The following SRRM2 variants were observed in gnomAD, a reference collection of about 807,000 sequenced individuals.
SRRM2 encodes the protein serine/arginine repetitive matrix 2.
A neutral mutation model predicts 213.8 loss-of-function variants in SRRM2; 30 were observed. The observed-to-expected ratio is 0.14, with a 90% CI of 0.10 to 0.19. The LOEUF is 0.19. SRRM2 is among the 10% of genes least tolerant of loss of function. SRRM2 has a pLI of 1.00. For missense variants in SRRM2, 4,904 were observed against 3,647.0 expected (o/e 1.34, Z -8.88); for synonymous variants, 2,025 against 1,377.7 (o/e 1.47, Z -10.40).
At position 2,764,659 on chromosome 16, in the gene SRRM2, A is replaced by T; in HGVS notation, c.4131A>T (p.Arg1377Ser). 8.7e-6 allele frequency: 14 copies of T among 1,614,130 alleles called. No homozygotes were observed. The highest frequency in any genetic ancestry group is 1.2e-5 in the Non-Finnish European group (14 of 1,180,026). ...TAGACATGAAAGAACAATCGACAAG[A>T]TCCTCTGGACACAGCAGTTCTGAGT... is the stretch of plus-strand genomic sequence containing the variant. ...PSLDMKEQST[R>S]SSGHSSSELS... The change falls in exon 11 of 15, where the codon AGA becomes AGT. Residue 1377 changes from arginine to serine, a missense_variant. Arg to Ser is a moderately radical substitution (Grantham distance 110). Transcript: ENST00000301740.
chr16:2,763,941 T>C lies in SRRM2; in HGVS notation c.3413T>C (p.Phe1138Ser). ...KSGMSPEQSR[F>S]QSDSSSYPTV... ...GGAATGTCTCCTGAGCAGAGCAGGT[T>C]CCAGTCTGACTCTTCTTCATATCCT... Residue 1138 changes from phenylalanine to serine, a missense_variant, in exon 11 of 15, where the codon TTC becomes TCC. By Grantham distance (155) the Phe-to-Ser change is radical. Transcript: ENST00000301740. 1.9e-6 allele frequency: 3 copies of C among 1,614,186 alleles called. No individual in the cohort carries two copies. The highest frequency in any genetic ancestry group is 2.5e-6 in the Non-Finnish European group (3 of 1,180,038).
At chr16:2,758,063 A>G in intron 4 of SRRM2, 118 bp downstream of exon 4, 1 of 1,333,952 alleles carries the variant, frequency 7.5e-7, no homozygotes, top group South Asian at 1.4e-5. Flanking sequence ...GTTCTTCTGA[A>G]GTTGAGGTGT....
chr16:2,770,508 C>T, intron 13 of SRRM2, 43 bp downstream of exon 13: 1 of 1,573,840 alleles, frequency 6.4e-7, no homozygotes, highest in Non-Finnish European at 8.6e-7. Flanking sequence ...TGTCTGGCCG[C>T]CACTGCTTTC....
rs929621345 is a variant in SRRM2, at chr16:2,768,233, C to T, written c.7705C>T (p.Pro2569Ser). Reference sequence around the variant, plus strand: ...TAGTGACTCAGAGGGCTCTAGCCTTCCTGTGCAACCTGAGGTGGCACTGAA... The same window carrying T: ...TAGTGACTCAGAGGGCTCTAGCCTTTCTGTGCAACCTGAGGTGGCACTGAA... The part of the protein sequence containing the change: ...SSSDSEGSSL[P>S]VQPEVALKRV... The change falls in exon 11 of 15, where the codon CCT becomes TCT. Residue 2569 changes from proline to serine, a missense_variant. Pro to Ser is a moderately conservative substitution (Grantham distance 74). Transcript: ENST00000301740. 2.6e-6 allele frequency: 4 copies of T among 1,567,606 alleles called. No homozygotes were observed. In the African/African-American group the frequency reaches 4.1e-5, roughly 16 times the overall value.
In SRRM2 at chr16:2,761,751, C is replaced by T. The variant is rs746738960; in HGVS notation, c.1223C>T (p.Ser408Phe). 14 of 1,612,792 alleles carry T rather than the reference C, an allele frequency of 8.7e-6. No homozygotes were observed. The South Asian group carries it at 1.2e-4, about 14-fold the overall frequency. The stretch of plus-strand genomic sequence containing the variant: ...ACTCGGGACCGTTCACCACCTAAGT[C>T]TCCCGAGAAACTTCCCCAGTCTTCT... ...SPTRDRSPPK[S>F]PEKLPQSSSS... Residue 408 changes from serine (S) to phenylalanine (F), a missense_variant, in exon 11 of 15, where the codon TCT becomes TTT. Transcript: ENST00000301740.
rs1303308716 is a variant in SRRM2 at position 2,754,916 on chromosome 16, G to T, written c.-31-1418G>T. Among the ~76,000 whole-genome samples the T allele has an allele frequency of 2.0e-5, 3 of 152,134 alleles. No homozygotes were observed. The East Asian group carries it at 5.8e-4, about 29-fold the overall frequency. On this transcript the variant is annotated intron_variant, in intron 1 of 14. Coordinates refer to ENST00000301740, the MANE Select transcript of SRRM2 (RefSeq NM_016333.4). Reference sequence around the variant, plus strand: ...CTTTCAATATTGGGTCTGCTACTGGGCTTGGGTAGGGACCCATCCTTAGGC... The same window carrying T: ...CTTTCAATATTGGGTCTGCTACTGGTCTTGGGTAGGGACCCATCCTTAGGC...
At position 2,763,820 on chromosome 16, in the gene SRRM2, C is replaced by T. The variant is rs773735921; in HGVS notation, c.3292C>T (p.Arg1098Trp). 44 of 1,614,054 alleles carry T rather than the reference C, an allele frequency of 2.7e-5. No individual in the cohort carries two copies. Among genetic ancestry groups the T allele is most frequent in the East Asian group, 2.2e-4 (10 of 44,902 alleles). Residue 1098 changes from arginine to tryptophan, a missense_variant, in exon 11 of 15, where the codon CGG becomes TGG. Transcript: ENST00000301740. The stretch of plus-strand genomic sequence containing the variant: ...ATCTCAAACATCACCTAAGGGAGGT[C>T]GGTCCAGGTCTTCATCTCCAGTCAC... ...SKSQTSPKGG[R>W]SRSSSPVTEL...
rs2068470669 is a variant in SRRM2 at position 2,764,474 on chromosome 16, G to A, written c.3946G>A (p.Glu1316Lys). Residue 1316 changes from glutamate to lysine, a missense_variant, in exon 11 of 15, where the codon GAA becomes AAA. By Grantham distance (56) the Glu-to-Lys change is moderately conservative. Coordinates refer to ENST00000301740, the MANE Select transcript of SRRM2 (RefSeq NM_016333.4). The part of the protein sequence containing the change: ...GGPHFSPEHK[E>K]LSNSPLRENS... ...GCCACATTTTTCTCCAGAACATAAAGAACTGTCTAACTCCCCACTCAGGGA... is the reference window on the plus strand; with the variant it reads ...GCCACATTTTTCTCCAGAACATAAAAAACTGTCTAACTCCCCACTCAGGGA... The A allele has an allele frequency of 6.2e-7, 1 of 1,613,742 alleles. No homozygotes were observed. Among genetic ancestry groups the A allele is most frequent in the Non-Finnish European group, 8.5e-7 (1 of 1,179,950 alleles).
Position 2,761,828 on chromosome 16 carries a change from G to T in SRRM2, c.1300G>T (p.Ala434Ser). The T allele has an allele frequency of 6.2e-7, 1 of 1,613,682 alleles. No individual in the cohort carries two copies. Among genetic ancestry groups the T allele is most frequent in the Non-Finnish European group, 8.5e-7 (1 of 1,180,012 alleles). The change falls in exon 11 of 15, where the codon GCC becomes TCC. Residue 434 changes from alanine to serine, a missense_variant. Physicochemically the swap from Ala to Ser is moderately conservative, Grantham distance 99. Coordinates refer to ENST00000301740, the MANE Select transcript of SRRM2 (RefSeq NM_016333.4). ...TCAACCTACCAAAGTTTCTCGGCAT[G>T]CCAGCTCTTCCCCAGAAAGTCCTAA... ...SPQPTKVSRH[A>S]SSSPESPKPA...
chr16:2,756,020 C>G (rs940834282), intron 1 of SRRM2, among the ~76,000 whole-genome samples: 1 of 152,122 alleles, frequency 6.6e-6, no homozygotes, highest in Admixed American at 6.6e-5. Context: ...TTTAGAGGAA[C>G]AAGATCCTTG....
rs754078634 is a variant in SRRM2, at chr16:2,763,469, C to G, written c.2941C>G (p.Pro981Ala). The stretch of plus-strand genomic sequence containing the variant: ...CTCCTCACCAGATACCAAAGTGAAA[C>G]CTGAAACACCGCCAAGACAAAGTCA... ...GSSSPDTKVK[P>A]ETPPRQSHSG... Residue 981 changes from proline (P) to alanine (A), a missense_variant, in exon 11 of 15, where the codon CCT (proline) becomes GCT (alanine). Pro to Ala is a conservative substitution (Grantham distance 27, BLOSUM62 -1). Transcript: ENST00000301740. The G allele has an allele frequency of 6.2e-7, 1 of 1,614,152 alleles. No homozygotes were observed. The highest frequency in any genetic ancestry group is 8.5e-7 in the Non-Finnish European group (1 of 1,180,032).
At chr16:2,761,476 A>G (rs2068345774) in intron 10 of SRRM2, 85 bp from the exon 11 acceptor site, 3 of 1,165,740 alleles carry the variant, frequency 2.6e-6, no homozygotes, top group African/African-American at 1.6e-5. Context: ...AAAAGTTATC[A>G]TTGGAAAGGG....
chr16:2,769,316 G>A, intron 12 of SRRM2, 32 bp downstream of exon 12: 1 of 1,530,904 alleles, frequency 6.5e-7, no homozygotes, highest in Non-Finnish European at 8.8e-7. Context: ...TTGAAAGGTG[G>A]GTGGGGGAGT....
chr16:2,761,439 C>G lies in SRRM2; in HGVS notation c.1033-122C>G, dbSNP rs371322816. ...TTCCTTGTTATTGAATGAAAGTGAT[C>G]GCTTGTGGTCAGAGGGTGTGTAAAA... On this transcript the variant is annotated intron_variant, in intron 10 of 14. Transcript: ENST00000301740. The G allele has an allele frequency of 4.3e-6, 3 of 694,654 alleles. No individual in the cohort carries two copies. In the African/African-American group the frequency reaches 5.4e-5, roughly 13 times the overall value. 43.0% of individuals were successfully genotyped at this position (694,654 alleles called of 1,614,324 possible). A position where few individuals can be genotyped will look rare whatever the true frequency, so the allele number is the denominator to read the frequency against.
In SRRM2 at chr16:2,764,010, C is replaced by T. The variant is rs1395442099; in HGVS notation, c.3482C>T (p.Thr1161Ile). The T allele has an allele frequency of 1.9e-6, 3 of 1,614,208 alleles. No individual in the cohort carries two copies. The highest frequency in any genetic ancestry group is 1.7e-5 in the Admixed American group (1 of 60,032). ...CTCTTGGGGCAGAGTAGATTGGAGA[C>T]TGCTGAATCAAAAGAGAAAATGGCC... Reference protein sequence around the residue: ...NSLLGQSRLETAESKEKMALP... With the variant: ...NSLLGQSRLEIAESKEKMALP... The change falls in exon 11 of 15, where the codon ACT becomes ATT. Residue 1161 changes from threonine (T) to isoleucine (I), a missense_variant. Thr to Ile is a moderately conservative substitution (Grantham distance 89). Transcript: ENST00000301740.
intron 1 of SRRM2, among the ~76,000 whole-genome samples, 200 bp downstream of exon 1, chr16:2,753,046 G>T (rs866077439): frequency 1.4e-5 from 1 of 71,558 alleles, no homozygotes; most frequent in Non-Finnish European, 3.0e-5. Context: ...ACCCCCCCCC[G>T]CCCCTCCCCC....
chr16:2,762,963 C>T lies in SRRM2; in HGVS notation c.2435C>T (p.Pro812Leu), dbSNP rs910124451. 6.2e-7 allele frequency: 1 copy of T among 1,611,186 alleles called. No individual in the cohort carries two copies. The highest frequency in any genetic ancestry group is 8.5e-7 in the Non-Finnish European group (1 of 1,177,548). ...SQPKAKSRTP[P>L]RRSRSSSSPP... is the part of the protein sequence containing the mutation. ...CCTAAAGCTAAATCTAGAACGCCAC[C>T]CAGACGCAGTCGCTCCAGTTCTTCT... The change falls in exon 11 of 15, where the codon CCC becomes CTC. Residue 812 changes from proline to leucine, a missense_variant. Physicochemically the swap from Pro to Leu is moderately conservative, Grantham distance 98 (BLOSUM62 -3). Coordinates refer to ENST00000301740, the MANE Select transcript of SRRM2 (RefSeq NM_016333.4).
At chr16:2,761,225 G>A (rs929377610) in intron 10 of SRRM2, among the ~76,000 whole-genome samples, 3 of 152,160 alleles carry the variant, frequency 2.0e-5, no homozygotes, top group Non-Finnish European at 4.4e-5. Flanking sequence ...CAAAGGTGAA[G>A]TTGCCATTCG....
chr16:2,760,606 A>T (rs2068307986), intron 10 of SRRM2, 107 bp downstream of exon 10: 2 of 1,348,568 alleles, frequency 1.5e-6, no homozygotes, highest in East Asian at 5.1e-5. Context: ...AAATAAATTC[A>T]GTTTTTTTTC....
Sources: allele counts gnomAD v4.1 joint callset (sites outside exome capture counted in the v4.1 genomes callset), GRCh38; gene constraint gnomAD v4.1.1; transcripts MANE v1.5; gene names NCBI Gene and HGNC (gene_info 2026-07-23, HGNC 2026-07-21).